The following RALGPS1 variants were observed in gnomAD, a reference collection of about 807,000 sequenced individuals.
RALGPS1 encodes the protein Ral GEF with PH domain and SH3 binding motif 1.
In RALGPS1, 19 loss-of-function variants were observed where a neutral mutation model predicts 78.8. The observed-to-expected ratio is 0.24, with a 90% CI of 0.17 to 0.35. The LOEUF is 0.35. RALGPS1 is among the 10% of genes least tolerant of loss of function. The pLI is 1.00. For synonymous variants in RALGPS1, 228 were observed against 256.3 expected, an observed-to-expected ratio of 0.89 and a Z score of 1.06; for missense variants, 454 against 688.3, an observed-to-expected ratio of 0.66 and a Z score of 3.81.
chr9:126,919,684 G>A (rs2034552348), intron 1 of RALGPS1, among the ~76,000 whole-genome samples: 2 of 152,212 alleles, frequency 1.3e-5, no homozygotes. Flanking sequence ...AGGTGCTTAA[G>A]AAGGATGAGC....
At chr9:127,182,708 C>T (rs932701071) in intron 11 of RALGPS1, among the ~76,000 whole-genome samples, 17 of 152,036 alleles carry the variant, frequency 1.1e-4, no homozygotes, top group African/African-American at 2.7e-4. Context: ...GGATTACAGG[C>T]GTGAGTCACC....
chr9:127,043,375 G>T (rs1385270958), intron 5 of RALGPS1, among the ~76,000 whole-genome samples: 1 of 140,054 alleles, frequency 7.1e-6, no homozygotes, highest in Non-Finnish European at 1.5e-5. Flanking sequence ...GGTGCTGGAA[G>T]AATTTAAATA....
intron 5 of RALGPS1, among the ~76,000 whole-genome samples, chr9:127,046,502 A>G (rs2047788943): frequency 6.6e-6 from 1 of 152,196 alleles, no homozygotes; most frequent in Non-Finnish European, 1.5e-5. Context: ...GTTCTTCAAA[A>G]TGTTATTGAT....
At chr9:126,928,235 G>T (rs776722497) in intron 1 of RALGPS1, among the ~76,000 whole-genome samples, 1 of 152,220 alleles carries the variant, frequency 6.6e-6, no homozygotes, top group Non-Finnish European at 1.5e-5. Context: ...CAAAGGCACA[G>T]ATCCAGTTGC....
intron 1 of RALGPS1, among the ~76,000 whole-genome samples, chr9:126,953,698 T>C (rs1164672992): frequency 6.6e-6 from 1 of 152,224 alleles, no homozygotes; most frequent in African/African-American, 2.4e-5. Flanking sequence ...GATCAGACTG[T>C]GTATGAGCTC....
chr9:127,199,446 C>A (rs1009249241), intron 14 of RALGPS1, among the ~76,000 whole-genome samples: 3 of 152,096 alleles, frequency 2.0e-5, no homozygotes, highest in African/African-American at 7.2e-5. Flanking sequence ...GAATATTGCA[C>A]CCTAATGGCC....
intron 8 of RALGPS1, among the ~76,000 whole-genome samples, chr9:127,164,932 T>C (rs575763205): frequency 4.6e-4 from 70 of 152,334 alleles, no homozygotes; most frequent in Admixed American, 2.0e-3. Context: ...TGTATACATA[T>C]ATGCTTATAT....
At chr9:126,975,386 A>G (rs2040508449) in intron 3 of RALGPS1, among the ~76,000 whole-genome samples, 2 of 152,350 alleles carry the variant, frequency 1.3e-5, no homozygotes, top group East Asian at 3.9e-4. Context: ...AGCAAACCCT[A>G]GAACTGGTGG....
chr9:127,087,077 G>A (rs994814479), intron 8 of RALGPS1, among the ~76,000 whole-genome samples: 10 of 152,164 alleles, frequency 6.6e-5, no homozygotes, highest in Non-Finnish European at 1.0e-4. Context: ...TGCACTGCCC[G>A]TGAGGTGCTT....
At chr9:127,133,580 C>T (rs1280338757) in intron 8 of RALGPS1, among the ~76,000 whole-genome samples, 3 of 152,230 alleles carry the variant, frequency 2.0e-5, no homozygotes, top group Admixed American at 2.0e-4. Flanking sequence ...CACCCACCGG[C>T]CTGCCCTTGC....
rs1263570304 is a variant in RALGPS1 at position 127,222,735 on chromosome 9, AT to A, written c.*3967del. 1 of 152,696 alleles carries A rather than the reference AT, an allele frequency of 6.5e-6. No homozygotes were observed. Among genetic ancestry groups the A allele is most frequent in the Non-Finnish European group, 1.5e-5 (1 of 68,054 alleles). 9.5% of individuals were successfully genotyped at this position (152,696 alleles called of 1,614,324 possible). A position where few individuals can be genotyped will look rare whatever the true frequency, so the allele number is the denominator to read the frequency against. On this transcript the variant is annotated 3_prime_UTR_variant, in exon 19 of 19. Transcript: ENST00000259351. ...AATAGTAATTAATTAGTATGGTATA[AT>A]CTTTAATAAATTTCGTGCCAAAATG... is the stretch of plus-strand genomic sequence containing the variant.
chr9:126,966,671 C>T (rs2039531740), intron 3 of RALGPS1, among the ~76,000 whole-genome samples: 2 of 151,548 alleles, frequency 1.3e-5, no homozygotes, highest in Non-Finnish European at 2.9e-5. Context: ...GTTATAGATT[C>T]CAGGTAATTG....
At chr9:127,065,796 G>C (rs2049637053) in intron 7 of RALGPS1, among the ~76,000 whole-genome samples, 1 of 152,146 alleles carries the variant, frequency 6.6e-6, no homozygotes, top group South Asian at 2.1e-4. Flanking sequence ...TCCTGGATTG[G>C]ATCCACAATT....
Position 127,091,371 on chromosome 9 carries a change from A to G in RALGPS1, c.610+22015A>G, listed in dbSNP as rs1208664377. On this transcript the variant is annotated intron_variant, in intron 8 of 18. Transcript: ENST00000259351. This position sits in a 1 kb window ranked among gnomAD's most constrained non-coding sequence, Gnocchi z 4.3. ...AAGTGGTGAGGCCACAGCCCAACAC[A>G]TGTCTTTCTGCATTGGCCCCAGCTG... is the stretch of plus-strand genomic sequence containing the variant. Among the ~76,000 whole-genome samples the G allele has an allele frequency of 6.6e-6, 1 of 152,176 alleles. No homozygotes were observed. The highest frequency in any genetic ancestry group is 1.5e-5 in the Non-Finnish European group (1 of 68,036).
intron 8 of RALGPS1, among the ~76,000 whole-genome samples, chr9:127,092,494 C>T (rs2789511): frequency 0.47 from 71,045 of 151,884 alleles, 17,193 homozygotes; most frequent in Non-Finnish European, 0.51. Context: ...AGCTGAGTTA[C>T]GGCCACTAAA....
intron 10 of RALGPS1, among the ~76,000 whole-genome samples, chr9:127,169,958 T>C (rs2059483328): frequency 6.6e-6 from 1 of 152,238 alleles, no homozygotes; most frequent in Non-Finnish European, 1.5e-5. Flanking sequence ...GATGGGTTTA[T>C]TGGGATGTAT....
At chr9:127,095,290 C>T (rs1453105936) in intron 8 of RALGPS1, among the ~76,000 whole-genome samples, 3 of 152,108 alleles carry the variant, frequency 2.0e-5, no homozygotes, top group South Asian at 4.1e-4. Flanking sequence ...CCCAGCTACC[C>T]GGGAGGGTGA....
chr9:127,034,180 T>C (rs528273644), intron 4 of RALGPS1, among the ~76,000 whole-genome samples: 1 of 152,326 alleles, frequency 6.6e-6, no homozygotes, highest in Non-Finnish European at 1.5e-5. Context: ...TGGATTTCTT[T>C]TGGCACAGAA....
chr9:127,081,609 C>T (rs549648712), intron 8 of RALGPS1, among the ~76,000 whole-genome samples: 28 of 152,344 alleles, frequency 1.8e-4, no homozygotes, highest in Non-Finnish European at 4.0e-4. Flanking sequence ...AATTCTAATT[C>T]CACTCCCTCC....
Sources: gnomAD v4.1 joint callset for allele counts (sites outside exome capture counted in the v4.1 genomes callset) on GRCh38, gnomAD v4.1.1 for gene constraint, Gnocchi (gnomAD v3.1) non-coding constraint, MANE v1.5 for transcripts, NCBI Gene and HGNC (gene_info 2026-07-23, HGNC 2026-07-21) for gene names.